PCDH15: variants seen among roughly 807,000 people sequenced by gnomAD.
PCDH15 encodes protocadherin related 15.
PCDH15 carries 129 observed loss-of-function variants against 178.5 expected under a neutral mutation model. The observed-to-expected ratio is 0.72, with a 90% CI of 0.63 to 0.84. The LOEUF (loss-of-function observed/expected upper bound fraction) is 0.84, where lower values mean the gene tolerates loss of function less well. PCDH15 is among the 40% of genes least tolerant of loss of function. The pLI is 0.00. For synonymous variants in PCDH15, 800 were observed against 732.0 expected (o/e 1.09, Z -1.50); for missense variants, 2,230 against 2,099.9 (o/e 1.06, Z -1.21).
chr10:53,994,194 A>T (rs1464792883), intron 21 of PCDH15, among the ~76,000 whole-genome samples: 1 of 152,200 alleles, frequency 6.6e-6, no homozygotes, highest in African/African-American at 2.4e-5. Flanking sequence ...AGTCATTACT[A>T]CCAAAGGGGA....
intron 1 of PCDH15, among the ~76,000 whole-genome samples, chr10:55,303,538 T>C (rs1843344241): frequency 6.6e-6 from 1 of 152,184 alleles, no homozygotes; most frequent in South Asian, 2.1e-4. Context: ...ATGAGGGTTT[T>C]GAACTGGCCA....
intron 1 of PCDH15, among the ~76,000 whole-genome samples, chr10:54,788,447 G>C (rs1485726401): frequency 6.6e-6 from 1 of 151,800 alleles, no homozygotes; most frequent in Non-Finnish European, 1.5e-5. Context: ...TACAATTTTA[G>C]CTGCCATCTA....
chr10:54,551,961 C>T (rs1267641723), intron 2 of PCDH15, among the ~76,000 whole-genome samples: 1 of 151,920 alleles, frequency 6.6e-6, no homozygotes, highest in African/African-American at 2.4e-5. Context: ...TAAAAGCATG[C>T]TAATATAATT....
intron 2 of PCDH15, among the ~76,000 whole-genome samples, chr10:54,982,500 T>C (rs1376655564): frequency 1.3e-5 from 2 of 152,152 alleles, no homozygotes; most frequent in African/African-American, 2.4e-5. Context: ...TTATAGGAAA[T>C]ATATTTTAGA....
chr10:53,864,084 C>A (rs985032353), intron 27 of PCDH15, among the ~76,000 whole-genome samples: 8 of 152,216 alleles, frequency 5.3e-5, no homozygotes, highest in African/African-American at 1.9e-4. Context: ...AAAGCAAAAG[C>A]TCATTTGGAG....
chr10:55,575,529 T>C (rs768730790), intron 2 of PCDH15: 2 of 152,204 alleles, frequency 1.3e-5, no homozygotes, highest in Non-Finnish European at 2.9e-5. Flanking sequence ...AGAAAACTTA[T>C]GTCCTTAGTT....
chr10:53,934,678 CAAATGCTAT>C (rs1478494334), intron 25 of PCDH15, among the ~76,000 whole-genome samples: 2 of 151,936 alleles, frequency 1.3e-5, no homozygotes, highest in Admixed American at 1.3e-4. Context: ...TCAAACTGTG[CAAATGCTAT>C]AAATTCCCAT....
At chr10:55,290,847 A>C (rs754845609) in intron 1 of PCDH15, among the ~76,000 whole-genome samples, 2 of 152,176 alleles carry the variant, frequency 1.3e-5, no homozygotes, top group Non-Finnish European at 2.9e-5. Flanking sequence ...TGAAAGAAAA[A>C]AAGATGGGAG....
Position 53,821,982 on chromosome 10 carries a change from A to AGTT in PCDH15, c.4368-1755_4368-1753dup. ...TACTTCTGAAGGGCACATAGTTTGA[A>AGTT]GTTCTGAAACATTTGTGCGTAGATA... On this transcript the variant is annotated intron_variant, in intron 32 of 37. Transcript: ENST00000644397. 1.2e-6 allele frequency: 2 copies of AGTT among 1,613,952 alleles called. No homozygotes were observed. Among genetic ancestry groups the AGTT allele is most frequent in the African/African-American group, 1.3e-5 (1 of 75,006 alleles).
intron 5 of PCDH15, among the ~76,000 whole-genome samples, chr10:54,368,567 C>A (rs774857363): frequency 2.8e-4 from 42 of 151,930 alleles, no homozygotes; most frequent in Non-Finnish European, 5.0e-4. Context: ...AAACAACAAA[C>A]AAGCATGTCC....
chr10:55,280,390 C>T (rs539147492), intron 1 of PCDH15, among the ~76,000 whole-genome samples: 1 of 143,864 alleles, frequency 7.0e-6, no homozygotes, highest in South Asian at 2.2e-4. Context: ...GGGATTCTCT[C>T]GCCTCAGCCT....
intron 21 of PCDH15, among the ~76,000 whole-genome samples, chr10:53,975,466 T>G (rs1194584912): frequency 6.6e-6 from 1 of 152,162 alleles, no homozygotes; most frequent in African/African-American, 2.4e-5. Context: ...TTTTTAATAA[T>G]CAATACTCTG....
chr10:54,299,798 C>G lies in PCDH15; in HGVS notation c.876+17473G>C, dbSNP rs113405222. On this transcript the variant is annotated intron_variant, in intron 8 of 37. Transcript: ENST00000644397. The stretch of plus-strand genomic sequence containing the variant: ...CCAGTGATTGGTCTGCTCAAACGTG[C>G]GAGTTGTTTGCACTCAGCCAAATCT... Among the ~76,000 whole-genome samples, 967 of 152,166 alleles carry G rather than the reference C, an allele frequency of 6.4e-3. 13 individuals are homozygous for G. Among genetic ancestry groups the G allele is most frequent in the African/African-American group, 0.022 (912 of 41,520 alleles).
chr10:53,868,930 CAT>C (rs1292807355), intron 26 of PCDH15, among the ~76,000 whole-genome samples: 1 of 152,176 alleles, frequency 6.6e-6, no homozygotes, highest in Non-Finnish European at 1.5e-5. Flanking sequence ...GCTAGCCTCA[CAT>C]GTCAGCCTCT....
At chr10:54,544,494 A>T (rs2085622512) in intron 2 of PCDH15, among the ~76,000 whole-genome samples, 1 of 152,166 alleles carries the variant, frequency 6.6e-6, no homozygotes, top group Non-Finnish European at 1.5e-5. Flanking sequence ...GCTCAATTTT[A>T]GACAATTTCT....
At chr10:53,821,742 C>CATTT in intron 32 of PCDH15, 1 of 1,539,588 alleles carries the variant, frequency 6.5e-7, no homozygotes, top group Non-Finnish European at 8.7e-7. Flanking sequence ...AAAAAAACTG[C>CATTT]ATTTCATTGA....
chr10:55,590,264 G>T (rs1842816821), intron 2 of PCDH15, among the ~76,000 whole-genome samples: 1 of 142,432 alleles, frequency 7.0e-6, no homozygotes, highest in African/African-American at 2.6e-5. Flanking sequence ...ATTGAACAAT[G>T]AGAACACATG....
At chr10:55,155,560 G>A (rs1838861371) in intron 2 of PCDH15, among the ~76,000 whole-genome samples, 1 of 150,334 alleles carries the variant, frequency 6.7e-6, no homozygotes. Flanking sequence ...GAAAAAGGAA[G>A]TACTTCAGGC....
chr10:54,648,167 T>C (rs1344830086), intron 2 of PCDH15, among the ~76,000 whole-genome samples: 1 of 152,124 alleles, frequency 6.6e-6, no homozygotes, highest in Non-Finnish European at 1.5e-5. Flanking sequence ...GTAAAATGTA[T>C]TCTAAGAAAG....
Sources: gnomAD v4.1 joint callset for allele counts (sites outside exome capture counted in the v4.1 genomes callset) on GRCh38, gnomAD v4.1.1 for gene constraint, MANE v1.5 for transcripts, NCBI Gene and HGNC (gene_info 2026-07-23, HGNC 2026-07-21) for gene names.